RC3H2: variants seen among roughly 807,000 people sequenced by gnomAD.
RC3H2 encodes the protein ring finger and CCCH-type domains 2.
In RC3H2, 31 loss-of-function variants were observed where a neutral mutation model predicts 133.3. The ratio of observed to expected loss-of-function variants is 0.23; its 90% CI spans 0.17 to 0.31. The LOEUF is 0.31. Ranked by LOEUF, RC3H2 falls within the 10% of genes least tolerant of loss-of-function variation. The probability of loss-of-function intolerance (pLI) is 1.00; values close to 1 mark genes in which losing one functional copy is unlikely to be tolerated. For synonymous variants in RC3H2, 517 were observed against 502.2 expected (o/e 1.03, Z -0.40); for missense variants, 1,175 against 1,437.2 (o/e 0.82, Z 2.95).
At chr9:122,896,145 G>A (rs1289387642) in intron 2 of RC3H2, among the ~76,000 whole-genome samples, 6 of 148,572 alleles carry the variant, frequency 4.0e-5, no homozygotes, top group Admixed American at 1.3e-4. Flanking sequence ...AAAACTTTAC[G>A]AATTTGTGTT....
intron 2 of RC3H2, among the ~76,000 whole-genome samples, chr9:122,895,830 G>T (rs950990152): frequency 1.3e-5 from 2 of 152,132 alleles, no homozygotes; most frequent in African/African-American, 4.8e-5. Context: ...ATAACTACCT[G>T]AAAACCTATG....
chr9:122,894,155 A>G (rs1236307924), intron 2 of RC3H2, among the ~76,000 whole-genome samples: 1 of 151,968 alleles, frequency 6.6e-6, no homozygotes, highest in Non-Finnish European at 1.5e-5. Flanking sequence ...GTTACTCCAG[A>G]GGCTGAGGCA....
At chr9:122,853,704 ATCG>A in intron 18 of RC3H2, 1 of 981,038 alleles carries the variant, frequency 1.0e-6, no homozygotes, top group South Asian at 1.8e-5. Context: ...GTGAGCCAAG[ATCG>A]TGCCATTGCA....
intron 3 of RC3H2, 49 bp from the exon 4 acceptor site, chr9:122,890,594 T>C (rs1554774066): frequency 7.0e-7 from 1 of 1,438,756 alleles, no homozygotes; most frequent in Admixed American, 2.1e-5. Flanking sequence ...CAATAAAAAA[T>C]AAAAGTCAAT....
chr9:122,852,157 T>G (rs990231509), intron 18 of RC3H2, among the ~76,000 whole-genome samples: 1 of 139,046 alleles, frequency 7.2e-6, no homozygotes, highest in Non-Finnish European at 1.5e-5. Context: ...CCGCCCTGTC[T>G]GGGATGTGAG....
chr9:122,867,797 C>T (rs1283134750), intron 9 of RC3H2, among the ~76,000 whole-genome samples: 16 of 106,642 alleles, frequency 1.5e-4, no homozygotes, highest in Non-Finnish European at 2.7e-4. Context: ...GCAACCGCCC[C>T]GTCTGAGAAG....
chr9:122,854,770 G>C (rs191352688), intron 15 of RC3H2, among the ~76,000 whole-genome samples, 155 bp from the exon 16 acceptor site: 71 of 152,264 alleles, frequency 4.7e-4, no homozygotes, highest in Middle Eastern at 6.8e-3. Flanking sequence ...TTGTTAAATG[G>C]AGGGAAATGT....
chr9:122,864,469 G>A (rs1031792818), intron 10 of RC3H2, among the ~76,000 whole-genome samples: 3 of 152,000 alleles, frequency 2.0e-5, no homozygotes, highest in African/African-American at 7.3e-5. Flanking sequence ...CTTAATCCTC[G>A]CAACCAACAT....
chr9:122,857,793 T>C lies in RC3H2; in HGVS notation c.2454+130A>G, dbSNP rs561535913. ...GTAGTGCATTTATATTCAGTGTTTA[T>C]TGAACTAAACTCAATTGCACACCAA... On this transcript the variant is annotated intron_variant, in intron 13 of 20. Transcript: ENST00000357244. 2.4e-5 allele frequency: 17 copies of C among 719,018 alleles called. No individual in the cohort carries two copies. In the East Asian group the frequency reaches 3.3e-4, roughly 14 times the overall value. The allele number at this position is 719,018 out of a possible 1,614,324, so 44.5% of individuals were successfully genotyped here.
chr9:122,873,417 A>G (rs558688957), intron 9 of RC3H2, among the ~76,000 whole-genome samples: 128 of 152,318 alleles, frequency 8.4e-4, no homozygotes, highest in African/African-American at 2.9e-3. Context: ...GGAAATATAA[A>G]GATGAAGAAC....
chr9:122,881,671 T>G (rs1350281024), intron 5 of RC3H2, among the ~76,000 whole-genome samples: 1 of 151,802 alleles, frequency 6.6e-6, no homozygotes, highest in Non-Finnish European at 1.5e-5. Flanking sequence ...TTTGCAGGGG[T>G]GGGGATGGAG....
At position 122,853,760 on chromosome 9, in the gene RC3H2, TC is replaced by T. The variant is rs1830139763; in HGVS notation, c.3117+191del. On this transcript the variant is annotated intron_variant, in intron 18 of 20. Transcript: ENST00000357244. ...AGATTCCATCTCAAAAAAACAAAAATCCCGATGATCTAGTTAAAGAATTATT... is the reference window on the plus strand; with the variant it reads ...AGATTCCATCTCAAAAAAACAAAAATCCGATGATCTAGTTAAAGAATTATT... The T allele has an allele frequency of 4.2e-6, 6 of 1,412,136 alleles. No homozygotes were observed. In the South Asian group the frequency reaches 7.5e-5, roughly 18 times the overall value. The allele number at this position is 1,412,136 out of a possible 1,614,324, so 87.5% of individuals were successfully genotyped here.
rs1211244310 is a variant in RC3H2, at chr9:122,849,520, TC to T, written c.*106del. Reference sequence around the variant, plus strand: ...CAGGAAATGGATGCCCCCAGTAATATCTTTTTTTTAAAAAAAATATACATTA... The same window carrying T: ...CAGGAAATGGATGCCCCCAGTAATATTTTTTTTTAAAAAAAATATACATTA... On this transcript the variant is annotated 3_prime_UTR_variant, in exon 21 of 21. Coordinates refer to ENST00000357244, the MANE Select transcript of RC3H2 (RefSeq NM_001100588.3). The T allele has an allele frequency of 2.7e-6, 1 of 375,718 alleles. No individual in the cohort carries two copies. The highest frequency in any genetic ancestry group is 4.1e-6 in the Non-Finnish European group (1 of 242,344). The allele number at this position is 375,718 out of a possible 1,614,324, so 23.3% of individuals were successfully genotyped here.
At chr9:122,874,496 T>A (rs945714537) in intron 9 of RC3H2, 7 of 151,422 alleles carry the variant, frequency 4.6e-5, no homozygotes, top group African/African-American at 1.7e-4. Context: ...TGATATTTTA[T>A]ATATTTATTA....
At chr9:122,892,881 T>A in intron 3 of RC3H2, 28 bp downstream of exon 3, 1 of 1,547,682 alleles carries the variant, frequency 6.5e-7, no homozygotes, top group East Asian at 2.2e-5. Flanking sequence ...GTCCTACTTA[T>A]CAGTAAAAAT....
At chr9:122,868,407 T>G (rs902697438) in intron 9 of RC3H2, among the ~76,000 whole-genome samples, 2 of 152,098 alleles carry the variant, frequency 1.3e-5, no homozygotes, top group African/African-American at 4.8e-5. Flanking sequence ...AGAAAAATTC[T>G]TCTGCCTTGG....
At chr9:122,858,646 A>C (rs374765186) in intron 12 of RC3H2, 23 bp downstream of exon 12, 1 of 1,590,910 alleles carries the variant, frequency 6.3e-7, no homozygotes, top group Admixed American at 1.7e-5. Flanking sequence ...TAATGACTAC[A>C]TTATAGTAGC....
chr9:122,890,631 G>T, intron 3 of RC3H2, 86 bp from the exon 4 acceptor site: 1 of 981,780 alleles, frequency 1.0e-6, no homozygotes, highest in Non-Finnish European at 1.5e-6. Context: ...TAACGATTAA[G>T]CCACAATTCC....
intron 8 of RC3H2, among the ~76,000 whole-genome samples, chr9:122,878,905 TG>T (rs1193861512): frequency 6.7e-6 from 1 of 149,026 alleles, no homozygotes; most frequent in East Asian, 2.2e-4. Context: ...TCCACCACAA[TG>T]CCTGGCTCAT....
Sources: allele counts gnomAD v4.1 joint callset (sites outside exome capture counted in the v4.1 genomes callset), GRCh38; gene constraint gnomAD v4.1.1; transcripts MANE v1.5; gene names NCBI Gene and HGNC (gene_info 2026-07-23, HGNC 2026-07-21).